Variants in IMMP2L observed in about 807,000 individuals in gnomAD.
The protein encoded by IMMP2L is mitochondrial inner membrane protease subunit 2.
In IMMP2L, 18 loss-of-function variants were observed where a neutral mutation model predicts 19.3. That is an observed-to-expected ratio of 0.93 (90% confidence interval 0.64 to 1.38). The LOEUF is 1.38. Ranked by LOEUF, IMMP2L falls within the 40% of genes most tolerant of loss-of-function variation. The probability of loss-of-function intolerance (pLI) is 0.00; values close to 1 mark genes in which losing one functional copy is unlikely to be tolerated. For synonymous variants in IMMP2L, 76 were observed against 73.0 expected, an observed-to-expected ratio of 1.04 and a Z score of -0.21; for missense variants, 233 against 218.2, an observed-to-expected ratio of 1.07 and a Z score of -0.43.
chr7:111,465,501 T>TAAAAAAAA (rs757362734), intron 3 of IMMP2L, among the ~76,000 whole-genome samples: 16 of 64,242 alleles, frequency 2.5e-4, no homozygotes, highest in African/African-American at 5.1e-4. Flanking sequence ...CAGGTGTCAC[T>TAAAAAAAA]AAAAAAAAAA....
rs923307860 is a variant in IMMP2L at position 110,870,749 on chromosome 7, C to T, written c.408+15844G>A. 3.3e-5 allele frequency among the ~76,000 whole-genome samples: 5 copies of T among 151,934 alleles called. No homozygotes were observed. The highest frequency in any genetic ancestry group is 3.9e-4 in the East Asian group (2 of 5,172). ...TGGAAAGATCAGAGAGGTGCAAGCA[C>T]GGAAAGGGAAGAGATGGAGAGGCCA... is the stretch of plus-strand genomic sequence containing the variant. On this transcript the variant is annotated intron_variant, in intron 5 of 5. Transcript: ENST00000405709. This position sits in a 1 kb window ranked among gnomAD's most constrained non-coding sequence, Gnocchi z 4.2.
Position 110,787,867 on chromosome 7 carries a change from A to T in IMMP2L, c.408+98726T>A, listed in dbSNP as rs552764737. 2.6e-5 allele frequency among the ~76,000 whole-genome samples: 4 copies of T among 152,056 alleles called. No homozygotes were observed. The East Asian group carries it at 7.8e-4, about 30-fold the overall frequency. On this transcript the variant is annotated intron_variant, in intron 5 of 5. Transcript: ENST00000405709. Reference sequence around the variant, plus strand: ...AAGTTCCAGGAAGGACAAAAAAAACAGATTAAGAGAATGGAGTAGGCTCTT... The same window carrying T: ...AAGTTCCAGGAAGGACAAAAAAAACTGATTAAGAGAATGGAGTAGGCTCTT...
chr7:111,359,202 T>C (rs1240645503), intron 3 of IMMP2L, among the ~76,000 whole-genome samples: 1 of 152,138 alleles, frequency 6.6e-6, no homozygotes, highest in African/African-American at 2.4e-5. Flanking sequence ...TTGATTTTTC[T>C]GCAACGTAGA....
At chr7:110,921,552 G>A (rs1470479825) in intron 4 of IMMP2L, among the ~76,000 whole-genome samples, 1 of 152,164 alleles carries the variant, frequency 6.6e-6, no homozygotes, top group Non-Finnish European at 1.5e-5. Flanking sequence ...CTCCCTTTGA[G>A]GGATATCACT....
At chr7:110,900,860 T>C (rs1811789635) in intron 4 of IMMP2L, among the ~76,000 whole-genome samples, 1 of 152,058 alleles carries the variant, frequency 6.6e-6, no homozygotes, top group Admixed American at 6.6e-5. Flanking sequence ...GATTGTTCCT[T>C]CTGGGAATTA....
At chr7:110,846,604 G>T (rs555428381) in intron 5 of IMMP2L, among the ~76,000 whole-genome samples, 2 of 152,026 alleles carry the variant, frequency 1.3e-5, no homozygotes, top group South Asian at 4.2e-4. Context: ...GACCTCAGAT[G>T]ATCCATCTGC....
chr7:111,243,630 A>T (rs1587008422), intron 3 of IMMP2L, among the ~76,000 whole-genome samples: 1 of 120,346 alleles, frequency 8.3e-6, no homozygotes, highest in East Asian at 2.5e-4. Context: ...TGTGTCATCT[A>T]GCATTAGGTA....
intron 5 of IMMP2L, among the ~76,000 whole-genome samples, chr7:110,773,726 G>C (rs1164286378): frequency 6.6e-6 from 1 of 152,022 alleles, no homozygotes; most frequent in Non-Finnish European, 1.5e-5. Context: ...TGAGTTCTTA[G>C]GTGAGAAAGG....
intron 3 of IMMP2L, among the ~76,000 whole-genome samples, chr7:111,357,199 T>C (rs1248651469): frequency 1.3e-5 from 2 of 152,166 alleles, no homozygotes; most frequent in African/African-American, 4.8e-5. Flanking sequence ...ACATCTGTGT[T>C]GTTCTTTTCA....
intron 4 of IMMP2L, among the ~76,000 whole-genome samples, chr7:110,923,464 A>G (rs945857623): frequency 2.0e-5 from 3 of 152,198 alleles, no homozygotes; most frequent in African/African-American, 7.2e-5. Context: ...AAAGAAAAAT[A>G]GAGAGTGAAC....
At chr7:111,406,771 G>T (rs1004368919) in intron 3 of IMMP2L, among the ~76,000 whole-genome samples, 2 of 151,974 alleles carry the variant, frequency 1.3e-5, no homozygotes, top group African/African-American at 4.8e-5. Context: ...CTGTTAATAG[G>T]TGGATTCCCT....
chr7:111,228,035 T>C (rs1225284127), intron 3 of IMMP2L, among the ~76,000 whole-genome samples: 2 of 152,128 alleles, frequency 1.3e-5, no homozygotes, highest in South Asian at 2.1e-4. Flanking sequence ...AACCTAGCCA[T>C]AGGCCACAGA....
chr7:110,932,440 G>A (rs961261118), intron 4 of IMMP2L, among the ~76,000 whole-genome samples: 2 of 151,868 alleles, frequency 1.3e-5, no homozygotes, highest in Admixed American at 6.6e-5. Context: ...TGCAAGCTCC[G>A]CCTTTTGGGT....
chr7:111,504,719 G>A (rs1030599713), intron 2 of IMMP2L, among the ~76,000 whole-genome samples: 1 of 152,154 alleles, frequency 6.6e-6, no homozygotes, highest in Non-Finnish European at 1.5e-5. Flanking sequence ...CAAGCAATGG[G>A]GAAAGGATTT....
intron 3 of IMMP2L, among the ~76,000 whole-genome samples, chr7:111,303,092 C>A (rs1584525591): frequency 6.6e-6 from 1 of 151,822 alleles, no homozygotes; most frequent in African/African-American, 2.4e-5. Flanking sequence ...GCAAAGATAC[C>A]CAGGACTCAA....
chr7:110,736,960 T>G (rs753845889), intron 5 of IMMP2L, among the ~76,000 whole-genome samples: 1 of 152,184 alleles, frequency 6.6e-6, no homozygotes, highest in Non-Finnish European at 1.5e-5. Flanking sequence ...GAGAAGGTCA[T>G]GAATTTTGGG....
intron 3 of IMMP2L, among the ~76,000 whole-genome samples, chr7:111,405,036 T>G (rs1833796379): frequency 6.6e-6 from 1 of 152,078 alleles, no homozygotes; most frequent in Admixed American, 6.6e-5. Context: ...CAGTACAAAT[T>G]TAACCAAGAC....
At chr7:111,184,669 G>A (rs1190880385) in intron 3 of IMMP2L, among the ~76,000 whole-genome samples, 2 of 152,026 alleles carry the variant, frequency 1.3e-5, no homozygotes, top group African/African-American at 4.8e-5. Context: ...TGTCACAAGT[G>A]CAACAGAAAC....
intron 3 of IMMP2L, among the ~76,000 whole-genome samples, chr7:111,304,796 A>G (rs1030154350): frequency 6.6e-6 from 1 of 151,528 alleles, no homozygotes; most frequent in Non-Finnish European, 1.5e-5. Flanking sequence ...GTTACTTTAA[A>G]AAATATATAA....
Sources: allele counts gnomAD v4.1 joint callset (sites outside exome capture counted in the v4.1 genomes callset), GRCh38; gene constraint gnomAD v4.1.1; non-coding constraint Gnocchi (gnomAD v3.1); transcripts MANE v1.5; gene names NCBI Gene and HGNC (gene_info 2026-07-23, HGNC 2026-07-21).